Variants in ELMO1 observed in about 807,000 individuals in gnomAD.
The protein encoded by ELMO1 is engulfment and cell motility protein 1.
In ELMO1, 26 loss-of-function variants were observed where a neutral mutation model predicts 98.9. The observed-to-expected ratio is 0.26, with a 90% CI of 0.19 to 0.36. ELMO1 has a LOEUF of 0.36. Among genes scored for constraint, ELMO1 ranks in the 10% least tolerant of loss-of-function variants. The pLI, the probability that ELMO1 is intolerant of heterozygous loss-of-function variation, is 1.00. For synonymous variants in ELMO1, 346 were observed against 346.0 expected (o/e 1.00, Z 0.00); for missense variants, 627 against 935.2 (o/e 0.67, Z 4.30).
At chr7:37,144,057 T>C (rs563670960) in intron 13 of ELMO1, among the ~76,000 whole-genome samples, 2 of 152,266 alleles carry the variant, frequency 1.3e-5, no homozygotes, top group East Asian at 1.9e-4. Flanking sequence ...TCAGACATTA[T>C]AACAGACCCA....
chr7:37,378,117 C>T (rs994762175), intron 1 of ELMO1, among the ~76,000 whole-genome samples: 1 of 152,172 alleles, frequency 6.6e-6, no homozygotes, highest in Admixed American at 6.5e-5. Flanking sequence ...GAAACAAAAT[C>T]CGGAGGTCCC....
chr7:36,873,324 AG>A (rs1421902511), intron 19 of ELMO1, among the ~76,000 whole-genome samples: 1 of 152,160 alleles, frequency 6.6e-6, no homozygotes, highest in Non-Finnish European at 1.5e-5. Flanking sequence ...AGGAGGCTGC[AG>A]GGGGCTCTTG....
At position 37,259,341 on chromosome 7, in the gene ELMO1, C is replaced by T. The variant is rs1584884777; in HGVS notation, c.253G>A (p.Ala85Thr). 1 of 1,613,586 alleles carries T rather than the reference C, an allele frequency of 6.2e-7. No individual in the cohort carries two copies. Among genetic ancestry groups the T allele is most frequent in the Non-Finnish European group, 8.5e-7 (1 of 1,179,706 alleles). The change falls in exon 6 of 22, where the codon GCC becomes ACC. Residue 85 changes from alanine to threonine, a missense_variant. Transcript: ENST00000310758. ...LRLTTSPAQN[A>T]QQLHERIQSS... ...TGGATTCGTTCATGGAGCTGCTGGG[C>T]GTTCTGAGCCTTATGGGGCAAAAGC...
rs932359602 is a variant in ELMO1, at chr7:37,286,882, G to A, written c.193-15000C>T. 3.3e-5 allele frequency among the ~76,000 whole-genome samples: 5 copies of A among 152,200 alleles called. No homozygotes were observed. In the East Asian group the frequency reaches 7.7e-4, roughly 23 times the overall value. The stretch of plus-strand genomic sequence containing the variant: ...AATAAGCTTGCAAAGAAACCAAACA[G>A]TTATCCAAATATTTTAAAAATTGTA... On this transcript the variant is annotated intron_variant, in intron 4 of 21. Transcript: ENST00000310758.
chr7:37,024,930 C>G (rs904576601), intron 15 of ELMO1, among the ~76,000 whole-genome samples: 3 of 152,150 alleles, frequency 2.0e-5, no homozygotes, highest in Non-Finnish European at 2.9e-5. Context: ...CCAAGGTCAT[C>G]TTGTGAGATG....
chr7:37,035,636 T>C (rs1352850620), intron 15 of ELMO1, among the ~76,000 whole-genome samples: 1 of 152,216 alleles, frequency 6.6e-6, no homozygotes, highest in Non-Finnish European at 1.5e-5. Flanking sequence ...TCTTATAATA[T>C]CATGACTTTG....
At chr7:36,977,740 T>C (rs930683850) in intron 16 of ELMO1, among the ~76,000 whole-genome samples, 29 of 152,222 alleles carry the variant, frequency 1.9e-4, no homozygotes, top group Admixed American at 9.2e-4. Flanking sequence ...AAGGCAAAGA[T>C]AGCTGTTGGA....
intron 1 of ELMO1, among the ~76,000 whole-genome samples, chr7:37,414,571 A>G (rs1804133123): frequency 6.6e-6 from 1 of 152,220 alleles, no homozygotes; most frequent in South Asian, 2.1e-4. Context: ...TGTTGGGGGA[A>G]TCTGCCCTGT....
chr7:37,421,957 C>A (rs934177553), intron 1 of ELMO1, among the ~76,000 whole-genome samples: 1 of 152,156 alleles, frequency 6.6e-6, no homozygotes, highest in African/African-American at 2.4e-5. Context: ...GGAAGCCAAC[C>A]TATCCTCCCA....
intron 14 of ELMO1, among the ~76,000 whole-genome samples, chr7:37,111,243 A>T (rs1251549522): frequency 6.6e-6 from 1 of 152,054 alleles, no homozygotes; most frequent in African/African-American, 2.4e-5. Flanking sequence ...TGGACACATG[A>T]CTCACCCATT....
At chr7:37,094,146 T>G (rs536430941) in intron 15 of ELMO1, among the ~76,000 whole-genome samples, 1 of 152,250 alleles carries the variant, frequency 6.6e-6, no homozygotes, top group Admixed American at 6.5e-5. Context: ...TTAATAAATG[T>G]GTTTGTCGTC....
intron 1 of ELMO1, among the ~76,000 whole-genome samples, chr7:37,365,586 T>TG (rs1459687881): frequency 6.3e-3 from 2 of 320 alleles, no homozygotes; most frequent in Non-Finnish European, 0.011. Context: ...TGACCAAAAC[T>TG]TGATTTCAGC....
intron 15 of ELMO1, among the ~76,000 whole-genome samples, chr7:37,043,539 C>T (rs984386346): frequency 4.6e-5 from 7 of 152,156 alleles, no homozygotes; most frequent in East Asian, 1.9e-4. Flanking sequence ...GATGCCTACG[C>T]GCATGTCAAA....
Position 37,059,615 on chromosome 7 carries a change from T to G in ELMO1, c.1300+37004A>C, listed in dbSNP as rs545133343. Among the ~76,000 whole-genome samples the G allele has an allele frequency of 1.1e-3, 165 of 152,330 alleles. 1 individual carries two copies. Among genetic ancestry groups the G allele is most frequent in the Admixed American group, 1.2e-3 (19 of 15,298 alleles). ...AAATTATTTTTAGCTGGGAAGGAGA[T>G]TCAGACTTTAATGGCCACTTAAGGA... On this transcript the variant is annotated intron_variant, in intron 15 of 21. Coordinates refer to ENST00000310758, the MANE Select transcript of ELMO1 (RefSeq NM_014800.11).
At chr7:37,077,938 T>C (rs997292918) in intron 15 of ELMO1, among the ~76,000 whole-genome samples, 2 of 152,174 alleles carry the variant, frequency 1.3e-5, no homozygotes, top group Non-Finnish European at 2.9e-5. Context: ...CATGAATATT[T>C]ATACATTTAG....
rs1174570511 is a variant in ELMO1, at chr7:37,266,108, G to A, written c.243+5724C>T. Among the ~76,000 whole-genome samples, 3 of 152,288 alleles carry A rather than the reference G, an allele frequency of 2.0e-5. 1 individual carries two copies. In the South Asian group the frequency reaches 6.2e-4, roughly 32 times the overall value. ...CCTTGGGCAGCAGCCTGGGGATCCT[G>A]TGTCGCCTCTGCCTGCCAGCCTCCA... On this transcript the variant is annotated intron_variant, in intron 5 of 21. Coordinates refer to ENST00000310758, the MANE Select transcript of ELMO1 (RefSeq NM_014800.11).
chr7:36,979,287 A>G (rs939157853), intron 16 of ELMO1, among the ~76,000 whole-genome samples: 1 of 152,202 alleles, frequency 6.6e-6, no homozygotes, highest in Non-Finnish European at 1.5e-5. Flanking sequence ...ACATATTATA[A>G]TTTACTAATC....
chr7:36,995,991 C>T (rs923886129), intron 16 of ELMO1, among the ~76,000 whole-genome samples: 22 of 152,042 alleles, frequency 1.4e-4, no homozygotes, highest in African/African-American at 5.3e-4. Context: ...CTCAGCCCAG[C>T]GTGGTTTGGG....
At chr7:37,163,859 G>A (rs1279391730) in intron 13 of ELMO1, among the ~76,000 whole-genome samples, 2 of 152,162 alleles carry the variant, frequency 1.3e-5, no homozygotes, top group Admixed American at 6.5e-5. Context: ...ACCCAGTAAT[G>A]GGATGGCTGG....
Sources: gnomAD v4.1 joint callset for allele counts (sites outside exome capture counted in the v4.1 genomes callset) on GRCh38, gnomAD v4.1.1 for gene constraint, MANE v1.5 for transcripts, NCBI Gene and HGNC (gene_info 2026-07-23, HGNC 2026-07-21) for gene names.